The following VSTM2B variants were observed in gnomAD, a reference collection of about 807,000 sequenced individuals.
The protein encoded by VSTM2B is V-set and transmembrane domain-containing protein 2B.
VSTM2B carries 24 observed loss-of-function variants against 24.0 expected under a neutral mutation model. The ratio of observed to expected loss-of-function variants is 1.00; its 90% CI spans 0.72 to 1.40. The LOEUF is 1.40. VSTM2B is among the 40% of genes most tolerant of loss of function. The pLI, the probability that VSTM2B is intolerant of heterozygous loss-of-function variation, is 0.00. For missense variants in VSTM2B, 399 were observed against 416.4 expected (o/e 0.96, Z 0.36); for synonymous variants, 226 against 194.4 (o/e 1.16, Z -1.35).
chr19:29,530,115 C>A lies in VSTM2B; in HGVS notation c.594C>A (p.Gly198=), dbSNP rs1311552483. 10 of 1,443,904 alleles carry A rather than the reference C, an allele frequency of 6.9e-6. No homozygotes were observed. Among genetic ancestry groups the A allele is most frequent in the Admixed American group, 2.9e-5 (1 of 34,636 alleles). 89.4% of individuals were successfully genotyped at this position (1,443,904 alleles called of 1,614,324 possible). Residue 198 remains glycine, a synonymous_variant, in exon 4 of 5, where the codon GGC becomes GGA. Transcript: ENST00000335523. ...GTACCACCTCCGAGCCCGGCCGCGG[C>A]GACAAGAGCCCGCCGCCCGGGAGCC... ...ASRTTSEPGR[G]DKSPPPGSPP...
In VSTM2B at chr19:29,530,029, G is replaced by T. The variant is rs770949464; in HGVS notation, c.508G>T (p.Gly170Cys). The T allele has an allele frequency of 6.5e-7, 1 of 1,529,948 alleles. No individual in the cohort carries two copies. Among genetic ancestry groups the T allele is most frequent in the Non-Finnish European group, 8.7e-7 (1 of 1,143,392 alleles). The allele number at this position is 1,529,948 out of a possible 1,614,324, so 94.8% of individuals were successfully genotyped here. A position where few individuals can be genotyped will look rare whatever the true frequency, so the allele number is the denominator to read the frequency against. The part of the protein sequence containing the change: ...AEAVSHIQSS[G>C]PRRHGPASAA... ...GGCCGTGTCCCACATCCAGAGCAGCGGCCCGCGTCGCCACGGCCCAGCCAG... is the reference window on the plus strand; with the variant it reads ...GGCCGTGTCCCACATCCAGAGCAGCTGCCCGCGTCGCCACGGCCCAGCCAG... Residue 170 changes from glycine to cysteine, a missense_variant, in exon 4 of 5, where the codon GGC becomes TGC. By Grantham distance (159) the Gly-to-Cys change is radical. Transcript: ENST00000335523.
intron 4 of VSTM2B, among the ~76,000 whole-genome samples, chr19:29,538,141 G>A (rs552931364): frequency 6.6e-6 from 1 of 152,302 alleles, no homozygotes; most frequent in South Asian, 2.1e-4. Context: ...AAAAGTCACA[G>A]CATGTGCTTC....
At chr19:29,530,810 C>A (rs1167224657) in intron 4 of VSTM2B, among the ~76,000 whole-genome samples, 1 of 152,116 alleles carries the variant, frequency 6.6e-6, no homozygotes, top group Non-Finnish European at 1.5e-5. Flanking sequence ...GTGTAACCTA[C>A]GCCCTCTTTG....
Position 29,526,613 on chromosome 19 carries a change from C to T in VSTM2B, c.30C>T (p.Leu10=), listed in dbSNP as rs1364950678. 2.6e-6 allele frequency: 4 copies of T among 1,529,810 alleles called. No individual in the cohort carries two copies. Among genetic ancestry groups the T allele is most frequent in the African/African-American group, 2.8e-5 (2 of 72,182 alleles). The allele number at this position is 1,529,810 out of a possible 1,614,324, so 94.8% of individuals were successfully genotyped here. A position where few individuals can be genotyped will look rare whatever the true frequency, so the allele number is the denominator to read the frequency against. Residue 10 remains leucine, a synonymous_variant, in exon 1 of 5, where the codon CTC becomes CTT. Transcript: ENST00000335523. This position sits in a 1 kb window ranked among gnomAD's most constrained non-coding sequence, Gnocchi z 4.1. ...AACAGCGGAACCGGCTCGGTGCCCT[C>T]GGATACCTGCCGCCTCTGCTGCTGC... MEQRNRLGA[L]GYLPPLLLHA...
At chr19:29,551,868 C>G (rs1365348318) in intron 4 of VSTM2B, among the ~76,000 whole-genome samples, 1 of 152,202 alleles carries the variant, frequency 6.6e-6, no homozygotes, top group African/African-American at 2.4e-5. Context: ...ACACAACCCC[C>G]AGGAACACAG....
At chr19:29,552,141 C>A (rs1970297916) in intron 4 of VSTM2B, among the ~76,000 whole-genome samples, 1 of 152,212 alleles carries the variant, frequency 6.6e-6, no homozygotes, top group Admixed American at 6.5e-5. Flanking sequence ...GGACACAGGG[C>A]TGCAAGACTC....
chr19:29,555,707 A>G (rs1054958615), intron 4 of VSTM2B, among the ~76,000 whole-genome samples: 2 of 152,120 alleles, frequency 1.3e-5, no homozygotes, highest in African/African-American at 4.8e-5. Context: ...AATAGAAAAT[A>G]AAAAATGATA....
chr19:29,526,557 C>G lies in VSTM2B; in HGVS notation c.-27C>G, dbSNP rs1029941679. 2.7e-6 allele frequency: 4 copies of G among 1,498,810 alleles called. No individual in the cohort carries two copies. The African/African-American group carries it at 5.8e-5, about 22-fold the overall frequency. The allele number at this position is 1,498,810 out of a possible 1,614,324, so 92.8% of individuals were successfully genotyped here. A position where few individuals can be genotyped will look rare whatever the true frequency, so the allele number is the denominator to read the frequency against. ...CCGCCGCCTCTCCGCTCCCGGGCCC[C>G]CGCCGCCACCGCGCCCCCCGCGGGA... On this transcript the variant is annotated 5_prime_UTR_variant, in exon 1 of 5. Transcript: ENST00000335523. The surrounding 1 kb of genome is among the most constrained non-coding windows in gnomAD (Gnocchi z 4.1).
At chr19:29,550,988 A>G (rs1466120175) in intron 4 of VSTM2B, among the ~76,000 whole-genome samples, 1 of 152,308 alleles carries the variant, frequency 6.6e-6, no homozygotes, top group East Asian at 1.9e-4. Flanking sequence ...GCCAGAAAAC[A>G]AGGGCCACAG....
intron 4 of VSTM2B, among the ~76,000 whole-genome samples, chr19:29,548,137 C>T (rs376627237): frequency 6.4e-4 from 98 of 152,130 alleles, no homozygotes; most frequent in South Asian, 1.0e-3. Context: ...CTAAAACAGG[C>T]GGGGAACAGG....
chr19:29,549,780 C>T (rs1970236819), intron 4 of VSTM2B, among the ~76,000 whole-genome samples: 1 of 152,250 alleles, frequency 6.6e-6, no homozygotes, highest in Non-Finnish European at 1.5e-5. Flanking sequence ...CCTGCAAACC[C>T]AGAGAAATTC....
intron 4 of VSTM2B, among the ~76,000 whole-genome samples, chr19:29,562,959 C>T (rs370367294): frequency 2.6e-5 from 4 of 152,276 alleles, no homozygotes; most frequent in African/African-American, 9.6e-5. Context: ...CCAGCCCACT[C>T]ATCTCCACCA....
intron 4 of VSTM2B, among the ~76,000 whole-genome samples, chr19:29,555,803 T>G (rs954693237): frequency 6.6e-6 from 1 of 151,912 alleles, no homozygotes; most frequent in South Asian, 2.1e-4. Context: ...AACTAAAAAC[T>G]CTATAAGAAA....
At chr19:29,562,182 G>T (rs1175128308) in intron 4 of VSTM2B, among the ~76,000 whole-genome samples, 1 of 152,214 alleles carries the variant, frequency 6.6e-6, no homozygotes, top group African/African-American at 2.4e-5. Flanking sequence ...CAGGCCAGAT[G>T]ATTTGTACAA....
chr19:29,550,237 T>C (rs734838), intron 4 of VSTM2B, among the ~76,000 whole-genome samples: 91,598 of 152,102 alleles, frequency 0.6, 28,206 homozygotes, highest in Middle Eastern at 0.74. Context: ...ATTTGAAGAG[T>C]AGCCTGGGCA....
intron 4 of VSTM2B, among the ~76,000 whole-genome samples, chr19:29,543,156 T>C (rs1970064036): frequency 6.6e-6 from 1 of 152,210 alleles, no homozygotes; most frequent in African/African-American, 2.4e-5. Flanking sequence ...TTTTCAGGCA[T>C]TTAAGAAATC....
At chr19:29,532,296 G>C (rs139635372) in intron 4 of VSTM2B, among the ~76,000 whole-genome samples, 5 of 152,196 alleles carry the variant, frequency 3.3e-5, no homozygotes, top group South Asian at 2.1e-4. Flanking sequence ...TGTAGGGCCC[G>C]CTGGGAAATG....
chr19:29,559,645 T>G (rs991305316), intron 4 of VSTM2B, among the ~76,000 whole-genome samples: 1 of 152,196 alleles, frequency 6.6e-6, no homozygotes, highest in Non-Finnish European at 1.5e-5. Flanking sequence ...GTTGAAGAGA[T>G]AGTTTGCCTT....
At chr19:29,543,385 T>C (rs1970068013) in intron 4 of VSTM2B, among the ~76,000 whole-genome samples, 1 of 152,228 alleles carries the variant, frequency 6.6e-6, no homozygotes, top group Admixed American at 6.5e-5. Flanking sequence ...GTTAACCTTT[T>C]GGTTAAATTG....
Sources: gnomAD v4.1 joint callset for allele counts (sites outside exome capture counted in the v4.1 genomes callset) on GRCh38, gnomAD v4.1.1 for gene constraint, Gnocchi (gnomAD v3.1) non-coding constraint, MANE v1.5 for transcripts, NCBI Gene and HGNC (gene_info 2026-07-23, HGNC 2026-07-21) for gene names.